PTGIS: variants seen among roughly 807,000 people sequenced by gnomAD.
PTGIS encodes the protein prostacyclin synthase.
PTGIS carries 45 observed loss-of-function variants against 50.3 expected under a neutral mutation model. The observed-to-expected ratio is 0.90, with a 90% CI of 0.70 to 1.15. The LOEUF is 1.15. PTGIS is among the 50% of genes most tolerant of loss of function. The pLI is 0.00. For synonymous variants in PTGIS, 260 were observed against 267.7 expected (o/e 0.97, Z 0.28); for missense variants, 668 against 661.3 (o/e 1.01, Z -0.11).
chr20:49,551,026 A>T (rs1402782966), intron 1 of PTGIS, among the ~76,000 whole-genome samples: 1 of 152,160 alleles, frequency 6.6e-6, no homozygotes. Flanking sequence ...CATCATGATG[A>T]AACGTCATCT....
At chr20:49,567,791 G>A (rs1386095010) in intron 1 of PTGIS, among the ~76,000 whole-genome samples, 1 of 152,162 alleles carries the variant, frequency 6.6e-6, no homozygotes, top group Non-Finnish European at 1.5e-5. Flanking sequence ...GTCGCGGTGG[G>A]CGATTCGCCC....
chr20:49,509,757 C>A (rs1425518558), intron 9 of PTGIS, among the ~76,000 whole-genome samples: 1 of 151,802 alleles, frequency 6.6e-6, no homozygotes, highest in Non-Finnish European at 1.5e-5. Flanking sequence ...ACTTTACTAC[C>A]ATTTTTTTTA....
intron 5 of PTGIS, among the ~76,000 whole-genome samples, chr20:49,536,251 C>T (rs897104979): frequency 6.6e-6 from 1 of 152,146 alleles, no homozygotes; most frequent in African/African-American, 2.4e-5. Context: ...TTTATACAAC[C>T]TGTAACTCTG....
At chr20:49,552,853 C>CA (rs991564953) in intron 1 of PTGIS, among the ~76,000 whole-genome samples, 12 of 151,764 alleles carry the variant, frequency 7.9e-5, no homozygotes, top group African/African-American at 2.9e-4. Flanking sequence ...AGCTTTATAA[C>CA]AGGAGAAAAA....
At chr20:49,558,556 T>G (rs572416854) in intron 1 of PTGIS, among the ~76,000 whole-genome samples, 25 of 152,302 alleles carry the variant, frequency 1.6e-4, no homozygotes, top group Middle Eastern at 3.4e-3. Flanking sequence ...CAATGTACCC[T>G]AAAGAATTGA....
intron 1 of PTGIS, among the ~76,000 whole-genome samples, chr20:49,555,195 C>T (rs545546231): frequency 1.3e-5 from 2 of 151,942 alleles, no homozygotes; most frequent in East Asian, 3.9e-4. Flanking sequence ...ATTGCTTGAA[C>T]CTGGGAGGTG....
intron 1 of PTGIS, among the ~76,000 whole-genome samples, chr20:49,567,365 G>A (rs1316216626): frequency 3.3e-5 from 5 of 152,202 alleles, no homozygotes; most frequent in Non-Finnish European, 7.3e-5. Flanking sequence ...GTTCTGTCCA[G>A]GCTGTGGGAC....
chr20:49,511,367 A>T (rs2040146246), intron 8 of PTGIS, among the ~76,000 whole-genome samples, 188 bp from the exon 9 acceptor site: 1 of 152,220 alleles, frequency 6.6e-6, no homozygotes, highest in South Asian at 2.1e-4. Flanking sequence ...ACATGGAAAG[A>T]ATTTCTACAA....
Position 49,507,923 on chromosome 20 carries a change from T to C in PTGIS, c.1500A>G (p.Pro500=), listed in dbSNP as rs1981196889. The C allele has an allele frequency of 9.9e-6, 16 of 1,611,910 alleles. No homozygotes were observed. Among genetic ancestry groups the C allele is most frequent in the Non-Finnish European group, 1.3e-5 (15 of 1,180,018 alleles). ...HDVPVRYRIR[P] is the part of the protein sequence containing the mutation. ...GTGGATCCATCTGCTCCCTGTGTCA[T>C]GGGCGGATGCGGTAGCGGACGGGCA... The change falls in exon 10 of 10, where the codon CCA becomes CCG. Residue 500 remains proline (P), a synonymous_variant. Transcript: ENST00000244043.
chr20:49,508,925 A>G (rs111284085), intron 9 of PTGIS, among the ~76,000 whole-genome samples: 3 of 152,320 alleles, frequency 2.0e-5, no homozygotes, highest in African/African-American at 7.2e-5. Flanking sequence ...GGTCAGGAGA[A>G]TATCTTATGA....
chr20:49,531,518 C>T (rs987841382), intron 5 of PTGIS, among the ~76,000 whole-genome samples: 1 of 152,148 alleles, frequency 6.6e-6, no homozygotes, highest in Admixed American at 6.5e-5. Context: ...CTAATTATTT[C>T]AATATTTAGG....
rs553377907 is a variant in PTGIS, at chr20:49,540,857, G to A, written c.522-1136C>T. ...AACAAAGAGACGCAACCAAAGCCCC[G>A]GGGCCTCACCCTCTCACCCTCCCCT... On this transcript the variant is annotated intron_variant, in intron 4 of 9. Coordinates refer to ENST00000244043, the MANE Select transcript of PTGIS (RefSeq NM_000961.4). The surrounding 1 kb of genome is among the most constrained non-coding windows in gnomAD (Gnocchi z 4.8). 7.2e-5 allele frequency among the ~76,000 whole-genome samples: 11 copies of A among 152,248 alleles called. No individual in the cohort carries two copies. The highest frequency in any genetic ancestry group is 5.9e-4 in the Admixed American group (9 of 15,302).
At chr20:49,538,607 A>G (rs78796217) in intron 5 of PTGIS, among the ~76,000 whole-genome samples, 14,667 of 151,960 alleles carry the variant, frequency 0.097, 2,200 homozygotes, top group African/African-American at 0.32. Context: ...GCTACCTCGC[A>G]GGGGTGAATA....
intron 5 of PTGIS, among the ~76,000 whole-genome samples, chr20:49,534,262 G>T (rs1024254680): frequency 6.6e-6 from 1 of 152,222 alleles, no homozygotes; most frequent in African/African-American, 2.4e-5. Flanking sequence ...AGAAGTGGAA[G>T]TACAGGATCA....
At chr20:49,534,451 C>T (rs1473684846) in intron 5 of PTGIS, among the ~76,000 whole-genome samples, 7 of 152,162 alleles carry the variant, frequency 4.6e-5, no homozygotes, top group African/African-American at 1.7e-4. Context: ...ATGCATCCTT[C>T]CTATAGCCAG....
chr20:49,551,251 G>A (rs754856328), intron 1 of PTGIS, among the ~76,000 whole-genome samples: 30 of 152,100 alleles, frequency 2.0e-4, no homozygotes, highest in Non-Finnish European at 3.5e-4. Flanking sequence ...GGTTCAGGCC[G>A]TGGTGGGAAG....
intron 4 of PTGIS, 45 bp from the exon 5 acceptor site, chr20:49,539,766 A>C (rs766434560): frequency 6.3e-7 from 1 of 1,589,216 alleles, no homozygotes; most frequent in Non-Finnish European, 8.5e-7. Context: ...TGGGACACTC[A>C]TGTGTGGCCA....
intron 5 of PTGIS, among the ~76,000 whole-genome samples, chr20:49,526,726 C>T (rs1294517179): frequency 6.6e-6 from 1 of 152,132 alleles, no homozygotes; most frequent in Non-Finnish European, 1.5e-5. Flanking sequence ...ACACATGAAA[C>T]AATGCTCAAC....
intron 6 of PTGIS, among the ~76,000 whole-genome samples, chr20:49,515,028 C>A (rs545611239): frequency 6.6e-6 from 1 of 152,180 alleles, no homozygotes; most frequent in Non-Finnish European, 1.5e-5. Flanking sequence ...GACCCACAGA[C>A]CCGTGAGTTA....
Sources: gnomAD v4.1 joint callset for allele counts (sites outside exome capture counted in the v4.1 genomes callset) on GRCh38, gnomAD v4.1.1 for gene constraint, Gnocchi (gnomAD v3.1) non-coding constraint, MANE v1.5 for transcripts, NCBI Gene and HGNC (gene_info 2026-07-23, HGNC 2026-07-21) for gene names.